The following PTPRZ1 variants were observed in gnomAD, a reference collection of about 807,000 sequenced individuals.
PTPRZ1 encodes protein tyrosine phosphatase receptor type Z1, also known as receptor-type tyrosine-protein phosphatase zeta.
PTPRZ1 carries 82 observed loss-of-function variants against 214.1 expected under a neutral mutation model. That is an observed-to-expected ratio of 0.38 (90% CI 0.32 to 0.46). The LOEUF is 0.46. Among genes scored for constraint, PTPRZ1 ranks in the 20% least tolerant of loss-of-function variants. The pLI is 1.00. For synonymous variants in PTPRZ1, 945 were observed against 987.9 expected (o/e 0.96, Z 0.81); for missense variants, 2,603 against 2,748.7 (o/e 0.95, Z 1.19).
At chr7:122,059,049 C>T in intron 28 of PTPRZ1, 107 bp downstream of exon 28, 6 of 1,121,364 alleles carry the variant, frequency 5.4e-6, no homozygotes, top group Non-Finnish European at 7.3e-6. Flanking sequence ...TGTGATGATT[C>T]AGCCATGGTG....
At chr7:121,914,785 A>G (rs1357674171) in intron 1 of PTPRZ1, among the ~76,000 whole-genome samples, 1 of 152,058 alleles carries the variant, frequency 6.6e-6, no homozygotes, top group Non-Finnish European at 1.5e-5. Context: ...TTTTTACTGG[A>G]TACTTGCTCT....
intron 2 of PTPRZ1, 78 bp from the exon 3 acceptor site, chr7:121,967,873 T>C (rs1330553849): frequency 1.2e-5 from 12 of 984,440 alleles, no homozygotes; most frequent in African/African-American, 1.7e-5. Flanking sequence ...TTTTATGTAA[T>C]GTATTAACTA....
At chr7:121,892,586 A>G (rs1443910376) in intron 1 of PTPRZ1, among the ~76,000 whole-genome samples, 1 of 149,910 alleles carries the variant, frequency 6.7e-6, no homozygotes, top group East Asian at 1.9e-4. Flanking sequence ...ATTTAACAAG[A>G]TTATTCACAA....
intron 2 of PTPRZ1, among the ~76,000 whole-genome samples, chr7:121,965,412 T>C (rs1165144823): frequency 2.6e-5 from 4 of 152,150 alleles, no homozygotes; most frequent in African/African-American, 9.7e-5. Flanking sequence ...TTTTTTGTTT[T>C]TGTGATTATA....
intron 1 of PTPRZ1, among the ~76,000 whole-genome samples, chr7:121,902,670 A>G (rs1795001229): frequency 6.6e-6 from 1 of 152,126 alleles, no homozygotes; most frequent in South Asian, 2.1e-4. Context: ...TCTTTTGAGA[A>G]ATATCTATTC....
Position 121,970,708 on chromosome 7 carries a change from T to G in PTPRZ1, c.305-1833T>G, listed in dbSNP as rs566875541. 3.3e-5 allele frequency among the ~76,000 whole-genome samples: 5 copies of G among 152,340 alleles called. No homozygotes were observed. In the East Asian group the frequency reaches 9.6e-4, roughly 29 times the overall value. On this transcript the variant is annotated intron_variant, in intron 3 of 29. Coordinates refer to ENST00000393386, the MANE Select transcript of PTPRZ1 (RefSeq NM_002851.3). ...TTCTAGATTCTGGATATTAGCCCTTTGTCAGATGAGTAGATTGCAAAAATT... is the reference window on the plus strand; with the variant it reads ...TTCTAGATTCTGGATATTAGCCCTTGGTCAGATGAGTAGATTGCAAAAATT...
chr7:122,019,204 G>A lies in PTPRZ1; in HGVS notation c.4924G>A (p.Val1642Met). 6.2e-7 allele frequency: 1 copy of A among 1,611,952 alleles called. No individual in the cohort carries two copies. The highest frequency in any genetic ancestry group is 2.2e-5 in the East Asian group (1 of 44,864). The change falls in exon 13 of 30, where the codon GTG (valine) becomes ATG (methionine). Residue 1642 changes from valine to methionine, a missense_variant. Physicochemically the swap from Val to Met is conservative, Grantham distance 21 (BLOSUM62 1). Coordinates refer to ENST00000393386, the MANE Select transcript of PTPRZ1 (RefSeq NM_002851.3). ...ESEKKAVIPLVIVSALTFICL... is the reference protein window; with the variant it reads ...ESEKKAVIPLMIVSALTFICL... ...CGAGAAGAAGGCAGTTATACCCCTT[G>A]TGATCGTGTCAGCCCTGACTTTTAT...
At position 122,044,569 on chromosome 7, in the gene PTPRZ1, G is replaced by T. The variant is rs867866342; in HGVS notation, c.6084+1G>T. ...AACAAAGCTAGAGAAACAATTCCAG[G>T]TGAGTCCTCTTGGAAGCCTCTTGGA... On this transcript the variant is annotated splice_donor_variant, in intron 23 of 29. Transcript: ENST00000393386. LOFTEE classifies it high-confidence loss of function. 2 of 1,613,146 alleles carry T rather than the reference G, an allele frequency of 1.2e-6. No homozygotes were observed. The highest frequency in any genetic ancestry group is 1.7e-6 in the Non-Finnish European group (2 of 1,179,526).
chr7:121,912,155 A>C (rs1361922166), intron 1 of PTPRZ1, among the ~76,000 whole-genome samples: 1 of 152,176 alleles, frequency 6.6e-6, no homozygotes, highest in Non-Finnish European at 1.5e-5. Flanking sequence ...TAAATCCTAG[A>C]GGGAATTAGA....
At chr7:121,896,904 G>A (rs1265810463) in intron 1 of PTPRZ1, among the ~76,000 whole-genome samples, 1 of 152,120 alleles carries the variant, frequency 6.6e-6, no homozygotes, top group African/African-American at 2.4e-5. Flanking sequence ...TATTTCTGGG[G>A]TGAGATATTT....
intron 6 of PTPRZ1, among the ~76,000 whole-genome samples, chr7:121,977,715 T>A (rs942032864): frequency 1.2e-4 from 19 of 152,124 alleles, no homozygotes; most frequent in East Asian, 3.9e-4. Context: ...TTTTATTTTT[T>A]TTTTTTTTTT....
intron 2 of PTPRZ1, among the ~76,000 whole-genome samples, chr7:121,948,390 G>T (rs1354564413): frequency 2.0e-5 from 3 of 152,224 alleles, no homozygotes; most frequent in Middle Eastern, 3.4e-3. Context: ...CTGAGGCAGC[G>T]GGATCTCTTG....
intron 13 of PTPRZ1, among the ~76,000 whole-genome samples, chr7:122,026,633 C>G (rs1799214268): frequency 6.6e-6 from 1 of 152,088 alleles, no homozygotes; most frequent in Non-Finnish European, 1.5e-5. Flanking sequence ...TAGGAGGGTC[C>G]CTTTGACACT....
At chr7:122,055,149 C>A in intron 27 of PTPRZ1, 62 bp downstream of exon 27, 1 of 1,301,954 alleles carries the variant, frequency 7.7e-7, no homozygotes, top group East Asian at 2.5e-5. Context: ...ATATTCTGAC[C>A]TAAGGATCTG....
intron 26 of PTPRZ1, 60 bp downstream of exon 26, chr7:122,054,098 G>A (rs1192864758): frequency 1.3e-6 from 2 of 1,562,524 alleles, no homozygotes; most frequent in African/African-American, 1.4e-5. Flanking sequence ...GTTACAAACA[G>A]CAAAAAGTCC....
chr7:121,905,676 C>CACACACACACACACACACAA (rs926668060), intron 1 of PTPRZ1, among the ~76,000 whole-genome samples: 1 of 151,742 alleles, frequency 6.6e-6, no homozygotes, highest in Non-Finnish European at 1.5e-5. Flanking sequence ...CACACACACA[C>CACACACACACACACACACAA]AAATGGTGGG....
intron 8 of PTPRZ1, among the ~76,000 whole-genome samples, chr7:121,985,819 T>C (rs1326296596): frequency 6.6e-6 from 1 of 152,242 alleles, no homozygotes; most frequent in Non-Finnish European, 1.5e-5. Flanking sequence ...CCAGACTTCA[T>C]AGCAGTTACC....
chr7:122,011,723 G>C lies in PTPRZ1; in HGVS notation c.2677G>C (p.Gly893Arg). 1 of 1,614,122 alleles carries C rather than the reference G, an allele frequency of 6.2e-7. No homozygotes were observed. Among genetic ancestry groups the C allele is most frequent in the Non-Finnish European group, 8.5e-7 (1 of 1,180,030 alleles). ...TGCTGCTTCAGAGACGCTGGAATTTGGTAGTGAATCTGGTGTTCTTTATAA... is the reference window on the plus strand; with the variant it reads ...TGCTGCTTCAGAGACGCTGGAATTTCGTAGTGAATCTGGTGTTCTTTATAA... The part of the protein sequence containing the change: ...THAASETLEF[G>R]SESGVLYKTL... The change falls in exon 12 of 30, where the codon GGT becomes CGT. Residue 893 changes from glycine (G) to arginine (R), a missense_variant. Coordinates refer to ENST00000393386, the MANE Select transcript of PTPRZ1 (RefSeq NM_002851.3).
intron 1 of PTPRZ1, among the ~76,000 whole-genome samples, chr7:121,878,770 A>G (rs753736249): frequency 1.3e-5 from 2 of 152,178 alleles, no homozygotes; most frequent in South Asian, 4.1e-4. Context: ...AAATTCATTC[A>G]TTGAAGAATT....
Sources: allele counts gnomAD v4.1 joint callset (sites outside exome capture counted in the v4.1 genomes callset), GRCh38; gene constraint gnomAD v4.1.1; transcripts MANE v1.5; gene names NCBI Gene and HGNC (gene_info 2026-07-23, HGNC 2026-07-21).